The following OAS2 variants were observed in gnomAD, a reference collection of about 807,000 sequenced individuals.
OAS2 encodes the protein 2'-5'-oligoadenylate synthetase 2.
OAS2 carries 67 observed loss-of-function variants against 71.3 expected under a neutral mutation model. That is an observed-to-expected ratio of 0.94 (90% CI 0.77 to 1.15). OAS2 has a LOEUF of 1.15. OAS2 is among the 50% of genes most tolerant of loss of function. The probability of loss-of-function intolerance (pLI) is 0.00; values close to 1 mark genes in which losing one functional copy is unlikely to be tolerated. For synonymous variants in OAS2, 327 were observed against 321.8 expected (o/e 1.02, Z -0.17); for missense variants, 789 against 822.5 (o/e 0.96, Z 0.50).
intron 3 of OAS2, among the ~76,000 whole-genome samples, chr12:112,996,284 T>C (rs2044231518): frequency 6.6e-6 from 1 of 152,344 alleles, no homozygotes; most frequent in Non-Finnish European, 1.5e-5. Context: ...CATGTCTTTT[T>C]GTGAATGTAA....
In OAS2 at chr12:112,987,501, C is replaced by T. The variant is rs550807975; in HGVS notation, c.448+193C>T. The stretch of plus-strand genomic sequence containing the variant: ...CTCTGGAACTAACTTCTCCCCCATA[C>T]CCTGATTGTCTTTGGAGAAAATGTT... On this transcript the variant is annotated intron_variant, in intron 2 of 9. Coordinates refer to ENST00000392583, the MANE Select transcript of OAS2 (RefSeq NM_002535.3). The T allele has an allele frequency of 1.7e-5, 24 of 1,428,614 alleles. No homozygotes were observed. In the Admixed American group the frequency reaches 6.5e-4, roughly 38 times the overall value. 88.5% of individuals were successfully genotyped at this position (1,428,614 alleles called of 1,614,324 possible).
At chr12:112,999,622 G>A (rs918559789) in intron 5 of OAS2, among the ~76,000 whole-genome samples, 2 of 152,174 alleles carry the variant, frequency 1.3e-5, no homozygotes, top group Non-Finnish European at 2.9e-5. Context: ...GAAGGATCAG[G>A]ACGCTCTGAG....
chr12:112,997,775 C>T lies in OAS2; in HGVS notation c.863+20C>T, dbSNP rs574281370. The T allele has an allele frequency of 2.6e-6, 4 of 1,516,100 alleles. No individual in the cohort carries two copies. The highest frequency in any genetic ancestry group is 1.3e-5 in the South Asian group (1 of 78,588). The allele number at this position is 1,516,100 out of a possible 1,614,324, so 93.9% of individuals were successfully genotyped here. On this transcript the variant is annotated intron_variant, in intron 4 of 9. Coordinates refer to ENST00000392583, the MANE Select transcript of OAS2 (RefSeq NM_002535.3). ...AGCGAGGTGCCAAGCTTCTCACACCCTATCCCTGTACCTCATCATCCGCAT... is the reference window on the plus strand; with the variant it reads ...AGCGAGGTGCCAAGCTTCTCACACCTTATCCCTGTACCTCATCATCCGCAT...
At chr12:112,986,974 C>T (rs1024885479) in intron 1 of OAS2, 64 bp from the exon 2 acceptor site, 3 of 1,533,778 alleles carry the variant, frequency 2.0e-6, no homozygotes, top group Non-Finnish European at 2.6e-6. Flanking sequence ...AATACCACTG[C>T]CTGCTAGAGA....
chr12:113,000,593 GCATACACA>G (rs1449375936), intron 5 of OAS2, among the ~76,000 whole-genome samples: 2 of 143,526 alleles, frequency 1.4e-5, no homozygotes, highest in African/African-American at 5.3e-5. Context: ...ACACATACAT[GCATACACA>G]CATGCATACA....
At chr12:113,001,517 T>A (rs1473462830) in intron 5 of OAS2, among the ~76,000 whole-genome samples, 1 of 149,522 alleles carries the variant, frequency 6.7e-6, no homozygotes, top group Non-Finnish European at 1.5e-5. Context: ...CACATATATA[T>A]ATACACATAT....
intron 3 of OAS2, 109 bp from the exon 4 acceptor site, chr12:112,997,411 T>C (rs1593201591): frequency 1.2e-6 from 1 of 849,648 alleles, no homozygotes; most frequent in Non-Finnish European, 1.8e-6. Context: ...GTAGGCATTC[T>C]AGCAAAGGAC....
intron 2 of OAS2, chr12:112,988,764 T>G: frequency 1.0e-6 from 1 of 981,052 alleles, no homozygotes; most frequent in Non-Finnish European, 1.2e-6. Context: ...TGCCCTACCC[T>G]GTAACAAAGT....
chr12:112,988,804 T>C (rs2044164544), intron 2 of OAS2: 1 of 844,388 alleles, frequency 1.2e-6, no homozygotes, highest in Non-Finnish European at 1.4e-6. Context: ...TCTTTCACCA[T>C]ACTCTGTACC....
In OAS2 at chr12:112,987,094, C is replaced by T. The variant is rs141972778; in HGVS notation, c.234C>T (p.Val78=). Reference sequence around the variant, plus strand: ...GAGGCAACTCCGATGGTACCCTTGTCCTCTTCTTCAGTGACTTAAAACAAT... The same window carrying T: ...GAGGCAACTCCGATGGTACCCTTGTTCTCTTCTTCAGTGACTTAAAACAAT... ...VLRGNSDGTL[V]LFFSDLKQFQ... is the part of the protein sequence containing the mutation. Residue 78 remains valine (V), a synonymous_variant, in exon 2 of 10, where the codon GTC becomes GTT. Transcript: ENST00000392583. The T allele has an allele frequency of 2.1e-3, 3,457 of 1,614,158 alleles. 7 individuals are homozygous for T. Among genetic ancestry groups the T allele is most frequent in the Admixed American group, 5.3e-3 (316 of 60,028 alleles).
chr12:113,005,113 C>G lies in OAS2; in HGVS notation c.1359C>G (p.Ser453Arg), dbSNP rs1283339056. ...WREKEEELEV[S>R]FEPPKWKAPR... Reference sequence around the variant, plus strand: ...AGAAGGAGGAGGAGCTTGAAGTCAGCTTTGAGCCTCCCAAGTGGAAGGCTC... The same window carrying G: ...AGAAGGAGGAGGAGCTTGAAGTCAGGTTTGAGCCTCCCAAGTGGAAGGCTC... The change falls in exon 7 of 10, where the codon AGC (serine) becomes AGG (arginine). Residue 453 changes from serine (S) to arginine (R), a missense_variant. Ser to Arg is a moderately radical substitution (Grantham distance 110). Transcript: ENST00000392583. 1 of 1,614,006 alleles carries G rather than the reference C, an allele frequency of 6.2e-7. No homozygotes were observed. Among genetic ancestry groups the G allele is most frequent in the Non-Finnish European group, 8.5e-7 (1 of 1,180,014 alleles).
In OAS2 at chr12:112,978,765, C is replaced by T. The variant is rs1177653840; in HGVS notation, c.157C>T (p.Leu53=). The T allele has an allele frequency of 1.2e-6, 2 of 1,613,734 alleles. No homozygotes were observed. Among genetic ancestry groups the T allele is most frequent in the African/African-American group, 1.3e-5 (1 of 74,914 alleles). The change falls in exon 1 of 10, where the codon CTG becomes TTG. Residue 53 remains leucine, a synonymous_variant. Coordinates refer to ENST00000392583, the MANE Select transcript of OAS2 (RefSeq NM_002535.3). This position sits in a 1 kb window ranked among gnomAD's most constrained non-coding sequence, Gnocchi z 4.2. The part of the protein sequence containing the change: ...DVLQEPEQFP[L]VQGVAIGGSY... The stretch of plus-strand genomic sequence containing the variant: ...CCTGCAGGAACCCGAACAGTTCCCC[C>T]TGGTGCAGGGAGTGGCCATAGTGAG...
rs765887720 is a variant in OAS2, at chr12:112,987,087, C to T, written c.227C>T (p.Thr76Ile). Reference sequence around the variant, plus strand: ...GTCTTAAGAGGCAACTCCGATGGTACCCTTGTCCTCTTCTTCAGTGACTTA... The same window carrying T: ...GTCTTAAGAGGCAACTCCGATGGTATCCTTGTCCTCTTCTTCAGTGACTTA... The part of the protein sequence containing the change: ...KTVLRGNSDG[T>I]LVLFFSDLKQ... Residue 76 changes from threonine (T) to isoleucine (I), a missense_variant, in exon 2 of 10, where the codon ACC becomes ATC. Thr to Ile is a moderately conservative substitution (Grantham distance 89, BLOSUM62 -1). Coordinates refer to ENST00000392583, the MANE Select transcript of OAS2 (RefSeq NM_002535.3). The T allele has an allele frequency of 8.7e-6, 14 of 1,614,042 alleles. No homozygotes were observed. Among genetic ancestry groups the T allele is most frequent in the East Asian group, 4.5e-5 (2 of 44,900 alleles).
At chr12:113,001,391 T>C (rs1283629926) in intron 5 of OAS2, among the ~76,000 whole-genome samples, 1 of 148,300 alleles carries the variant, frequency 6.7e-6, no homozygotes, top group Non-Finnish European at 1.5e-5. Flanking sequence ...CATATACACA[T>C]ATATATACAC....
In OAS2 at chr12:113,008,846, C is replaced by T. The variant is rs148910391; in HGVS notation, c.1896-241C>T. ...TTCTGCATGTTGGCCAGGATGTTCT[C>T]GAACTCCTGGCCCTCAAGTGATCCT... On this transcript the variant is annotated intron_variant, in intron 9 of 9. Transcript: ENST00000392583. Among the ~76,000 whole-genome samples the T allele has an allele frequency of 5.1e-3, 771 of 152,212 alleles. 2 individuals are homozygous for T. Among genetic ancestry groups the T allele is most frequent in the Middle Eastern group, 0.034 (10 of 294 alleles).
At chr12:112,984,957 C>G (rs2044119808) in intron 1 of OAS2, among the ~76,000 whole-genome samples, 1 of 151,084 alleles carries the variant, frequency 6.6e-6, no homozygotes. Flanking sequence ...TTTTTTTTAG[C>G]ACTTTGAGCA....
chr12:112,999,333 C>A (rs2136388925), intron 5 of OAS2, among the ~76,000 whole-genome samples: 1 of 152,340 alleles, frequency 6.6e-6, no homozygotes, highest in South Asian at 2.1e-4. Flanking sequence ...CCAAGAAGAA[C>A]CTTCCCAGGT....
In OAS2 at chr12:113,007,778, G is replaced by C; in HGVS notation, c.1730G>C (p.Trp577Ser). 1 of 1,614,176 alleles carries C rather than the reference G, an allele frequency of 6.2e-7. No homozygotes were observed. Among genetic ancestry groups the C allele is most frequent in the Non-Finnish European group, 8.5e-7 (1 of 1,180,010 alleles). The change falls in exon 9 of 10, where the codon TGG becomes TCG. Residue 577 changes from tryptophan to serine, a missense_variant. Coordinates refer to ENST00000392583, the MANE Select transcript of OAS2 (RefSeq NM_002535.3). The stretch of plus-strand genomic sequence containing the variant: ...TTGGAGCTGCTCACCATCTATGCCT[G>C]GGAGCAGGGGAGTGGAGTGCCGGAT... Reference protein sequence around the residue: ...YALELLTIYAWEQGSGVPDFD... With the variant: ...YALELLTIYASEQGSGVPDFD...
intron 2 of OAS2, 130 bp downstream of exon 2, chr12:112,987,438 G>A: frequency 6.8e-7 from 1 of 1,466,340 alleles, no homozygotes; most frequent in Non-Finnish European, 9.0e-7. Context: ...TAGACCCTCA[G>A]GAGAGAAGAA....
Sources: allele counts gnomAD v4.1 joint callset (sites outside exome capture counted in the v4.1 genomes callset), GRCh38; gene constraint gnomAD v4.1.1; non-coding constraint Gnocchi (gnomAD v3.1); transcripts MANE v1.5; gene names NCBI Gene and HGNC (gene_info 2026-07-23, HGNC 2026-07-21).